The following GPR35 variants were observed in gnomAD, a reference collection of about 807,000 sequenced individuals.
GPR35 encodes G protein-coupled receptor 35.
For synonymous variants in GPR35, 207 were observed against 198.4 expected (o/e 1.04, Z -0.36); for missense variants, 372 against 422.5 (o/e 0.88, Z 1.05).
At chr2:240,609,230 A>T (rs2043161964) in intron 2 of GPR35, among the ~76,000 whole-genome samples, 1 of 143,852 alleles carries the variant, frequency 7.0e-6, no homozygotes, top group Admixed American at 6.8e-5. Context: ...ACTCTTTCTT[A>T]TTTCTTCTGC....
upstream of GPR35, among the ~76,000 whole-genome samples, chr2:240,622,505 A>G (rs1164724454): frequency 1.3e-5 from 2 of 152,250 alleles, no homozygotes; most frequent in South Asian, 2.1e-4. Flanking sequence ...CATGAAATAC[A>G]CTAACACTCA....
At chr2:240,607,844 TTCCTCC>T (rs935675029) in intron 2 of GPR35, among the ~76,000 whole-genome samples, 1 of 151,592 alleles carries the variant, frequency 6.6e-6, no homozygotes, top group Non-Finnish European at 1.5e-5. Context: ...CCTCCTTCTC[TTCCTCC>T]TCCTCCTCCT....
At position 240,630,718 on chromosome 2, in the gene GPR35, C is replaced by T. The variant is rs756768919; in HGVS notation, c.766C>T (p.Arg256Cys). The change falls in exon 2 of 2, where the codon CGC (arginine) becomes TGC (cysteine). Residue 256 changes from arginine (R) to cysteine (C), a missense_variant. Coordinates refer to ENST00000407714, the MANE Select transcript of GPR35 (RefSeq NM_005301.5). ...NACALLETIR[R>C]ALYITSKLSD... The stretch of plus-strand genomic sequence containing the variant: ...CTGTGCCCTCCTGGAGACGATCCGT[C>T]GCGCCCTGTACATAACCAGCAAGCT... The T allele has an allele frequency of 3.1e-6, 5 of 1,613,526 alleles. No individual in the cohort carries two copies. Among genetic ancestry groups the T allele is most frequent in the Admixed American group, 1.7e-5 (1 of 60,034 alleles).
rs116534085 is a variant in GPR35 at position 240,631,222 on chromosome 2, G to A, written c.*340G>A. On this transcript the variant is annotated 3_prime_UTR_variant, in exon 2 of 2. Coordinates refer to ENST00000407714, the MANE Select transcript of GPR35 (RefSeq NM_005301.5). ...TTGATGACACCTGCCGCTGCCCCTC[G>A]GGGCTGGAATAAAACTCCCCACCCA... is the stretch of plus-strand genomic sequence containing the variant. 0.014 allele frequency: 4,541 copies of A among 332,296 alleles called. 50 individuals are homozygous for A. Among genetic ancestry groups the A allele is most frequent in the Non-Finnish European group, 0.02 (3,353 of 171,032 alleles). The allele number at this position is 332,296 out of a possible 1,614,324, so 20.6% of individuals were successfully genotyped here.
At chr2:240,606,858 C>T (rs1424765342) in intron 2 of GPR35, among the ~76,000 whole-genome samples, 5 of 152,152 alleles carry the variant, frequency 3.3e-5, no homozygotes, top group Non-Finnish European at 7.3e-5. Flanking sequence ...ATCTCCTGGG[C>T]AATTGGGAGC....
Position 240,631,028 on chromosome 2 carries a change from G to GAA in GPR35, c.*146_*147insAA. 1 of 680,506 alleles carries GAA rather than the reference G, an allele frequency of 1.5e-6. No homozygotes were observed. Among genetic ancestry groups the GAA allele is most frequent in the South Asian group, 1.9e-5 (1 of 53,224 alleles). 42.2% of individuals were successfully genotyped at this position (680,506 alleles called of 1,614,324 possible). On this transcript the variant is annotated 3_prime_UTR_variant, in exon 2 of 2. Transcript: ENST00000407714. ...CTTGGAGCCTTGGGTGGGCAGGGACGGCCCAGGTACCTGCTCTCTTGGGAA... is the reference window on the plus strand; with the variant it reads ...CTTGGAGCCTTGGGTGGGCAGGGACGAAGCCCAGGTACCTGCTCTCTTGGGAA...
chr2:240,616,406 C>T (rs1329045910), exon 3 of GPR35: 3 of 779,566 alleles, frequency 3.8e-6, no homozygotes, highest in Admixed American at 3.4e-5. Context: ...CCCTGTGCAG[C>T]TTCCTGCAGA....
At chr2:240,614,923 C>A in intron 2 of GPR35, among the ~76,000 whole-genome samples, 1 of 151,644 alleles carries the variant, frequency 6.6e-6, no homozygotes, top group East Asian at 1.9e-4. Context: ...CATATATATG[C>A]ATTTGTGTGT....
rs774021771 is a variant in GPR35 at position 240,630,861 on chromosome 2, T to C, written c.909T>C (p.Ser303=). The C allele has an allele frequency of 6.2e-7, 1 of 1,612,762 alleles. No individual in the cohort carries two copies. Among genetic ancestry groups the C allele is most frequent in the South Asian group, 1.1e-5 (1 of 91,072 alleles). ...PSAKAHKSQD[S]LCVTLA The stretch of plus-strand genomic sequence containing the variant: ...CTAAGGCCCACAAAAGCCAGGACTC[T>C]CTGTGCGTGACCCTCGCCTAAGAGG... Residue 303 remains serine (S), a synonymous_variant, in exon 2 of 2, where the codon TCT becomes TCC. Coordinates refer to ENST00000407714, the MANE Select transcript of GPR35 (RefSeq NM_005301.5).
chr2:240,624,429 ACAG>A, upstream of GPR35, among the ~76,000 whole-genome samples: 1 of 152,274 alleles, frequency 6.6e-6, no homozygotes, highest in East Asian at 1.9e-4. Context: ...GCCCGGGATG[ACAG>A]CAGAGAAGGA....
intron 2 of GPR35, among the ~76,000 whole-genome samples, chr2:240,614,601 C>T (rs56086919): frequency 0.041 from 6,278 of 152,360 alleles, 155 homozygotes; most frequent in South Asian, 0.077. Flanking sequence ...TCTCCCGGTT[C>T]TCCCCTTGCC....
chr2:240,612,928 C>T (rs558266523), intron 2 of GPR35, among the ~76,000 whole-genome samples: 3 of 152,312 alleles, frequency 2.0e-5, no homozygotes, highest in Admixed American at 6.5e-5. Flanking sequence ...TCACTGTCCC[C>T]GACCTCCCAG....
intron 2 of GPR35, among the ~76,000 whole-genome samples, chr2:240,606,914 C>CT (rs1445538442): frequency 5.3e-5 from 8 of 152,308 alleles, no homozygotes; most frequent in African/African-American, 1.9e-4. Flanking sequence ...TGTTTGAAAT[C>CT]TTTCTCTGGC....
chr2:240,624,065 C>G (rs2125484678), upstream of GPR35, among the ~76,000 whole-genome samples: 1 of 152,150 alleles, frequency 6.6e-6, no homozygotes, highest in Non-Finnish European at 1.5e-5. Context: ...GGTAGGCCTG[C>G]TTGGGGCACC....
At chr2:240,619,614 A>G (rs961372079) in intron 5 of GPR35, among the ~76,000 whole-genome samples, 1 of 152,202 alleles carries the variant, frequency 6.6e-6, no homozygotes, top group African/African-American at 2.4e-5. Context: ...ACGTGGGGAA[A>G]ATCCCTGCTG....
upstream of GPR35, among the ~76,000 whole-genome samples, chr2:240,624,471 G>T (rs983675774): frequency 1.3e-4 from 20 of 152,230 alleles, no homozygotes; most frequent in African/African-American, 4.8e-4. Flanking sequence ...TTCCTCACGT[G>T]CCTCTGGGTA....
intron 2 of GPR35, among the ~76,000 whole-genome samples, chr2:240,611,519 C>T (rs2043182373): frequency 6.6e-6 from 1 of 152,092 alleles, no homozygotes; most frequent in South Asian, 2.1e-4. Flanking sequence ...TTATGATATG[C>T]ATATTTAACT....
rs963493042 is a variant in GPR35 at position 240,630,586 on chromosome 2, A to G, written c.634A>G (p.Thr212Ala). The change falls in exon 2 of 2, where the codon ACC becomes GCC. Residue 212 changes from threonine to alanine, a missense_variant. Transcript: ENST00000407714. ...CACCGACGTGGGGCAGGCAGAGGCC[A>G]CCCGCAAGGCTGCCCGCATGGTCTG... ...PPTDVGQAEA[T>A]RKAARMVWAN... is the part of the protein sequence containing the mutation. 4.3e-6 allele frequency: 7 copies of G among 1,612,816 alleles called. No homozygotes were observed. The highest frequency in any genetic ancestry group is 1.7e-5 in the Admixed American group (1 of 60,008).
chr2:240,621,421 A>ATT (rs1289614098), upstream of GPR35, among the ~76,000 whole-genome samples: 94 of 151,860 alleles, frequency 6.2e-4, no homozygotes, highest in African/African-American at 2.1e-3. Flanking sequence ...CGCCCAGCTA[A>ATT]TTTTTGTATT....
Sources: gnomAD v4.1 joint callset for allele counts (sites outside exome capture counted in the v4.1 genomes callset) on GRCh38, gnomAD v4.1.1 for gene constraint, MANE v1.5 for transcripts, NCBI Gene and HGNC (gene_info 2026-07-23, HGNC 2026-07-21) for gene names.